The following CARMIL1 variants were observed in gnomAD, a reference collection of about 807,000 sequenced individuals.
CARMIL1 encodes the protein capping protein regulator and myosin 1 linker 1.
In CARMIL1, 90 loss-of-function variants were observed where a neutral mutation model predicts 177.1. That is an observed-to-expected ratio of 0.51 (90% CI 0.43 to 0.61). The LOEUF (loss-of-function observed/expected upper bound fraction) is 0.61. Ranked by LOEUF, CARMIL1 falls within the 20% of genes least tolerant of loss-of-function variation. The probability of loss-of-function intolerance (pLI) is 0.00; values close to 1 mark genes in which losing one functional copy is unlikely to be tolerated. For synonymous variants in CARMIL1, 577 were observed against 606.2 expected, an observed-to-expected ratio of 0.95 and a Z score of 0.71; for missense variants, 1,380 against 1,667.0, an observed-to-expected ratio of 0.83 and a Z score of 3.00.
At chr6:25,583,755 T>C (rs1209489616) in intron 31 of CARMIL1, among the ~76,000 whole-genome samples, 1 of 152,214 alleles carries the variant, frequency 6.6e-6, no homozygotes, top group Non-Finnish European at 1.5e-5. Context: ...CATATTCTTA[T>C]AGGGATATAC....
intron 11 of CARMIL1, among the ~76,000 whole-genome samples, chr6:25,474,259 CA>C (rs1801330447): frequency 6.6e-6 from 1 of 151,810 alleles, no homozygotes; most frequent in Admixed American, 6.6e-5. Context: ...AGGTGCCCAC[CA>C]CCATGCCCAG....
In CARMIL1 at chr6:25,284,823, G is replaced by C; in HGVS notation, c.52G>C (p.Asp18His). The C allele has an allele frequency of 3.9e-6, 6 of 1,536,120 alleles. No individual in the cohort carries two copies. Among genetic ancestry groups the C allele is most frequent in the Non-Finnish European group, 5.3e-6 (6 of 1,127,880 alleles). ...VPRELIESIK[D>H]VIGRKIKISV... The stretch of plus-strand genomic sequence containing the variant: ...CTTTTTTTTTTCAGAAAGCATAAAG[G>C]ATGTTATTGGCAGAAAGATAAAAAT... Residue 18 changes from aspartate to histidine, a missense_variant, in exon 2 of 37, where the codon GAT (aspartate) becomes CAT (histidine). Asp to His is a moderately conservative substitution (Grantham distance 81). Coordinates refer to ENST00000329474, the MANE Select transcript of CARMIL1 (RefSeq NM_017640.6).
chr6:25,399,326 C>T (rs1238827034), intron 2 of CARMIL1, among the ~76,000 whole-genome samples: 1 of 152,206 alleles, frequency 6.6e-6, no homozygotes, highest in African/African-American at 2.4e-5. Flanking sequence ...TGGTTGTCTA[C>T]CTGCCCAGGT....
At chr6:25,488,894 T>C (rs1802927238) in intron 13 of CARMIL1, among the ~76,000 whole-genome samples, 1 of 152,160 alleles carries the variant, frequency 6.6e-6, no homozygotes. Flanking sequence ...GGACCAGGCA[T>C]GGTGGCTCAC....
At chr6:25,296,941 A>ATCT (rs1782443505) in intron 2 of CARMIL1, among the ~76,000 whole-genome samples, 1 of 61,756 alleles carries the variant, frequency 1.6e-5, no homozygotes, top group African/African-American at 7.2e-5. Flanking sequence ...ATCTTTAACT[A>ATCT]ACTAACTAAC....
intron 2 of CARMIL1, among the ~76,000 whole-genome samples, chr6:25,404,332 G>A (rs1794158414): frequency 6.6e-6 from 1 of 152,224 alleles, no homozygotes; most frequent in Admixed American, 6.5e-5. Context: ...ATTCTCAATG[G>A]AGGCAAGAAG....
Position 25,480,983 on chromosome 6 carries a change from G to C in CARMIL1, c.875-1274G>C, listed in dbSNP as rs573370135. On this transcript the variant is annotated intron_variant, in intron 11 of 36. Coordinates refer to ENST00000329474, the MANE Select transcript of CARMIL1 (RefSeq NM_017640.6). ...GATCCGCCCTCCTCGGCCTCCCAAA[G>C]TGCTGGTCCATTTTTTTATTTGTCC... 7.2e-5 allele frequency among the ~76,000 whole-genome samples: 11 copies of C among 151,990 alleles called. 1 individual carries two copies. The East Asian group carries it at 1.5e-3, about 21-fold the overall frequency.
intron 34 of CARMIL1, 72 bp from the exon 35 acceptor site, chr6:25,605,989 G>A: frequency 9.7e-7 from 1 of 1,032,360 alleles, no homozygotes; most frequent in Non-Finnish European, 1.4e-6. Flanking sequence ...ACAGCAGTTT[G>A]TACCAGACTT....
intron 17 of CARMIL1, among the ~76,000 whole-genome samples, chr6:25,502,253 C>CAA (rs1164948276): frequency 2.3e-5 from 3 of 133,292 alleles, no homozygotes; most frequent in Non-Finnish European, 4.9e-5. Context: ...AGCAAACAAA[C>CAA]AAAAAAAAAA....
At chr6:25,410,819 T>C (rs1794837863) in intron 2 of CARMIL1, among the ~76,000 whole-genome samples, 1 of 152,324 alleles carries the variant, frequency 6.6e-6, no homozygotes, top group Non-Finnish European at 1.5e-5. Context: ...ATTTATTTAT[T>C]CTTAAAATTC....
At chr6:25,484,401 G>C (rs371607373) in intron 12 of CARMIL1, among the ~76,000 whole-genome samples, 1 of 152,160 alleles carries the variant, frequency 6.6e-6, no homozygotes, top group Non-Finnish European at 1.5e-5. Context: ...GATTAGTTCC[G>C]TAAGTCCCAT....
chr6:25,592,896 G>A (rs1814456111), intron 31 of CARMIL1, among the ~76,000 whole-genome samples: 1 of 152,120 alleles, frequency 6.6e-6, no homozygotes, highest in Non-Finnish European at 1.5e-5. Flanking sequence ...ACCTATCTGT[G>A]AAATATTAAT....
intron 2 of CARMIL1, among the ~76,000 whole-genome samples, chr6:25,338,067 G>A (rs1786463275): frequency 6.6e-6 from 1 of 152,004 alleles, no homozygotes; most frequent in Non-Finnish European, 1.5e-5. Flanking sequence ...GACCAGCCTG[G>A]CCAACATGGC....
Position 25,619,716 on chromosome 6 carries a change from C to A in CARMIL1, c.*133C>A. ...TCTCTTCTTTTTCTTTATTTCGCCC[C>A]CACCCCCATCCCCTGCCTTTTTTTT... is the stretch of plus-strand genomic sequence containing the variant. On this transcript the variant is annotated 3_prime_UTR_variant, in exon 37 of 37. Coordinates refer to ENST00000329474, the MANE Select transcript of CARMIL1 (RefSeq NM_017640.6). The A allele has an allele frequency of 1.4e-6, 1 of 737,722 alleles. No individual in the cohort carries two copies. Among genetic ancestry groups the A allele is most frequent in the Non-Finnish European group, 2.0e-6 (1 of 506,968 alleles). The allele number at this position is 737,722 out of a possible 1,614,324, so 45.7% of individuals were successfully genotyped here. A position where few individuals can be genotyped will look rare whatever the true frequency, so the allele number is the denominator to read the frequency against.
chr6:25,499,216 G>A (rs547948572), intron 16 of CARMIL1, among the ~76,000 whole-genome samples: 23 of 152,316 alleles, frequency 1.5e-4, no homozygotes, highest in African/African-American at 5.3e-4. Flanking sequence ...CTTTTCCTGG[G>A]AACATGGAAA....
At chr6:25,517,513 G>A (rs1806119732) in intron 22 of CARMIL1, 98 bp downstream of exon 22, 1 of 870,090 alleles carries the variant, frequency 1.1e-6, no homozygotes, top group Non-Finnish European at 1.8e-6. Flanking sequence ...TGTTTATTGG[G>A]GATCAGAAGA....
chr6:25,407,852 C>G (rs945549817), intron 2 of CARMIL1, among the ~76,000 whole-genome samples: 3 of 152,162 alleles, frequency 2.0e-5, no homozygotes, highest in Non-Finnish European at 4.4e-5. Flanking sequence ...AGGGAACTAG[C>G]TATGAGTGCT....
At chr6:25,451,092 G>A (rs1223300643) in intron 8 of CARMIL1, among the ~76,000 whole-genome samples, 2 of 142,926 alleles carry the variant, frequency 1.4e-5, no homozygotes, top group African/African-American at 2.6e-5. Context: ...TTTTATAAGA[G>A]GAATCAGTAC....
chr6:25,396,764 A>G (rs1793437946), intron 2 of CARMIL1, among the ~76,000 whole-genome samples: 1 of 152,152 alleles, frequency 6.6e-6, no homozygotes, highest in South Asian at 2.1e-4. Flanking sequence ...TCTACTTCTA[A>G]AACTGCCACG....
Sources: allele counts gnomAD v4.1 joint callset (sites outside exome capture counted in the v4.1 genomes callset), GRCh38; gene constraint gnomAD v4.1.1; transcripts MANE v1.5; gene names NCBI Gene and HGNC (gene_info 2026-07-23, HGNC 2026-07-21).